The following FGFR2 variants were observed in gnomAD, a reference collection of about 807,000 sequenced individuals.
FGFR2 encodes the protein BEK fibroblast growth factor receptor.
A neutral mutation model predicts 95.9 loss-of-function variants in FGFR2; 19 were observed. The ratio of observed to expected loss-of-function variants is 0.20; its 90% CI spans 0.14 to 0.29. The LOEUF (loss-of-function observed/expected upper bound fraction) is 0.29. FGFR2 is among the 10% of genes least tolerant of loss of function. The pLI is 1.00. For missense variants in FGFR2, 707 were observed against 1,056.9 expected, an observed-to-expected ratio of 0.67 and a Z score of 4.59; for synonymous variants, 392 against 393.3, an observed-to-expected ratio of 1.00 and a Z score of 0.04.
chr10:121,565,475 T>C lies in FGFR2; in HGVS notation c.339A>G (p.Val113=). Residue 113 remains valine (V), a synonymous_variant, in exon 3 of 18, where the codon GTA becomes GTG. Coordinates refer to ENST00000358487, the MANE Select transcript of FGFR2 (RefSeq NM_000141.5). ...CCATGAAGTACCAAGTTTCACTGTC[T>C]ACAGTCCTACTGGCAGTACAAGCAT... is the stretch of plus-strand genomic sequence containing the variant. ...GLYACTASRT[V]DSETWYFMVN... 6.2e-7 allele frequency: 1 copy of C among 1,614,220 alleles called. No homozygotes were observed. Among genetic ancestry groups the C allele is most frequent in the Non-Finnish European group, 8.5e-7 (1 of 1,180,032 alleles).
chr10:121,526,735 T>C (rs1851420932), intron 6 of FGFR2: 2 of 398,682 alleles, frequency 5.0e-6, no homozygotes, highest in Non-Finnish European at 8.8e-6. Context: ...TCACCTGTTT[T>C]GTTTTGTTTA....
At chr10:121,574,344 C>A (rs536684631) in intron 2 of FGFR2, among the ~76,000 whole-genome samples, 1 of 152,126 alleles carries the variant, frequency 6.6e-6, no homozygotes, top group Non-Finnish European at 1.5e-5. Flanking sequence ...GCCTGGCCAA[C>A]AAGACGAAAC....
At chr10:121,497,960 T>C (rs1446162351) in intron 12 of FGFR2, among the ~76,000 whole-genome samples, 2 of 152,194 alleles carry the variant, frequency 1.3e-5, no homozygotes, top group Admixed American at 6.5e-5. Context: ...ACTTAGCAAA[T>C]TGATTTCAAA....
At chr10:121,585,718 G>A (rs1459461519) in intron 2 of FGFR2, among the ~76,000 whole-genome samples, 1 of 152,164 alleles carries the variant, frequency 6.6e-6, no homozygotes, top group Non-Finnish European at 1.5e-5. Flanking sequence ...TTTAAGAATG[G>A]CTGATACAGA....
intron 2 of FGFR2, among the ~76,000 whole-genome samples, chr10:121,593,014 G>A (rs923398050): frequency 2.0e-5 from 3 of 152,148 alleles, no homozygotes; most frequent in Non-Finnish European, 4.4e-5. Context: ...TGTAGTCCTC[G>A]TAATTGGACT....
intron 2 of FGFR2, among the ~76,000 whole-genome samples, chr10:121,587,628 G>A (rs552491502): frequency 2.0e-5 from 3 of 151,950 alleles, no homozygotes; most frequent in African/African-American, 7.2e-5. Context: ...ACATATATAC[G>A]TCCCACCAGC....
rs1378298459 is a variant in FGFR2, at chr10:121,565,568, G to A, written c.246C>T (p.Asn82=). ...WTKDGVHLGP[N]NRTVLIGEYL... ...ACTCCCCAATAAGCACTGTCCTATTGTTGGGCCCCAAGTGCACCCCATCCT... is the reference window on the plus strand; with the variant it reads ...ACTCCCCAATAAGCACTGTCCTATTATTGGGCCCCAAGTGCACCCCATCCT... The change falls in exon 3 of 18, where the codon AAC becomes AAT. Residue 82 remains asparagine (N), a synonymous_variant. Transcript: ENST00000358487. 2 of 1,614,200 alleles carry A rather than the reference G, an allele frequency of 1.2e-6. No homozygotes were observed. Among genetic ancestry groups the A allele is most frequent in the Non-Finnish European group, 8.5e-7 (1 of 1,180,042 alleles).
At chr10:121,529,406 G>A (rs1377897386) in intron 6 of FGFR2, among the ~76,000 whole-genome samples, 4 of 152,134 alleles carry the variant, frequency 2.6e-5, no homozygotes, top group African/African-American at 4.8e-5. Flanking sequence ...CAGCACACCC[G>A]GCCAAAATGT....
chr10:121,495,497 C>T (rs989036773), intron 13 of FGFR2, among the ~76,000 whole-genome samples: 11 of 152,116 alleles, frequency 7.2e-5, no homozygotes, highest in Non-Finnish European at 1.0e-4. Context: ...CACGGCACTC[C>T]AGCCTGTTTG....
In FGFR2 at chr10:121,531,911, A is replaced by T. The variant is rs1852125594; in HGVS notation, c.748+6681T>A. Among the ~76,000 whole-genome samples the T allele has an allele frequency of 6.6e-6, 1 of 151,808 alleles. No homozygotes were observed. ...GCAAAAGGAAGGTGCTTCCTCCTCAACTCCGCTCCGGTTCCGTGATCTGTC... is the reference window on the plus strand; with the variant it reads ...GCAAAAGGAAGGTGCTTCCTCCTCATCTCCGCTCCGGTTCCGTGATCTGTC... On this transcript the variant is annotated intron_variant, in intron 6 of 17. Transcript: ENST00000358487. This position sits in a 1 kb window ranked among gnomAD's most constrained non-coding sequence, Gnocchi z 4.5.
At chr10:121,514,691 C>A (rs915958394) in intron 9 of FGFR2, among the ~76,000 whole-genome samples, 1 of 152,188 alleles carries the variant, frequency 6.6e-6, no homozygotes, top group Non-Finnish European at 1.5e-5. Context: ...AGTCAGAGAA[C>A]TTAGAGTCTC....
intron 17 of FGFR2, chr10:121,482,166 A>C: frequency 6.2e-7 from 1 of 1,612,916 alleles, no homozygotes; most frequent in Non-Finnish European, 8.5e-7. Context: ...ATGAAGCCAT[A>C]AACTTTCAGA....
intron 9 of FGFR2, among the ~76,000 whole-genome samples, chr10:121,514,797 A>G (rs1023712446): frequency 1.3e-5 from 2 of 152,244 alleles, no homozygotes; most frequent in African/African-American, 4.8e-5. Context: ...AGCTTCGAAG[A>G]GACCGCTGTA....
intron 2 of FGFR2, among the ~76,000 whole-genome samples, chr10:121,592,073 A>G (rs1862737993): frequency 6.6e-6 from 1 of 152,214 alleles, no homozygotes; most frequent in African/African-American, 2.4e-5. Context: ...AGCCAAAATG[A>G]AAAATGACAG....
Position 121,485,244 on chromosome 10 carries a change from C to T in FGFR2, c.2195+151G>A. 9.9e-7 allele frequency: 1 copy of T among 1,005,530 alleles called. No homozygotes were observed. Among genetic ancestry groups the T allele is most frequent in the Admixed American group, 1.8e-5 (1 of 56,456 alleles). The allele number at this position is 1,005,530 out of a possible 1,614,324, so 62.3% of individuals were successfully genotyped here. ...ATGGTTGTCGGTGTCGCTATGTATC[C>T]CAGCTCTGGATTGAGCCCAGAGAGC... On this transcript the variant is annotated intron_variant, in intron 16 of 17. Coordinates refer to ENST00000358487, the MANE Select transcript of FGFR2 (RefSeq NM_000141.5). This position sits in a 1 kb window ranked among gnomAD's most constrained non-coding sequence, Gnocchi z 4.2.
At chr10:121,586,525 G>A (rs1861854811) in intron 2 of FGFR2, among the ~76,000 whole-genome samples, 1 of 152,220 alleles carries the variant, frequency 6.6e-6, no homozygotes, top group Non-Finnish European at 1.5e-5. Context: ...GTGGCATGAT[G>A]TGGCCAAAGT....
intron 6 of FGFR2, among the ~76,000 whole-genome samples, chr10:121,530,660 C>T (rs956856999): frequency 1.3e-5 from 2 of 152,172 alleles, no homozygotes; most frequent in Admixed American, 1.3e-4. Context: ...TTTACAAAGG[C>T]AGCCGTTGAT....
chr10:121,589,148 T>G lies in FGFR2; in HGVS notation c.109+4561A>C, dbSNP rs2912774. 0.55 allele frequency among the ~76,000 whole-genome samples: 82,934 copies of G among 151,996 alleles called. 23,031 individuals carry two copies. The highest frequency in any genetic ancestry group is 0.61 in the East Asian group (3,167 of 5,168). On this transcript the variant is annotated intron_variant, in intron 2 of 17. Transcript: ENST00000358487. The stretch of plus-strand genomic sequence containing the variant: ...ACACCAGCTATATTTCCTACCTAGC[T>G]TAACAGCCAGGCACCCAAAAATCAA...
intron 2 of FGFR2, among the ~76,000 whole-genome samples, chr10:121,573,333 T>C (rs1293146672): frequency 1.3e-5 from 2 of 152,164 alleles, no homozygotes; most frequent in Non-Finnish European, 2.9e-5. Flanking sequence ...AAATTAAGCC[T>C]TTTCTGGGGT....
Sources: allele counts gnomAD v4.1 joint callset (sites outside exome capture counted in the v4.1 genomes callset), GRCh38; gene constraint gnomAD v4.1.1; non-coding constraint Gnocchi (gnomAD v3.1); transcripts MANE v1.5; gene names NCBI Gene and HGNC (gene_info 2026-07-23, HGNC 2026-07-21).